The following RFTN1 variants were observed in gnomAD, a reference collection of about 807,000 sequenced individuals.
The protein encoded by RFTN1 is raftlin.
In RFTN1, 26 loss-of-function variants were observed where a neutral mutation model predicts 46.5. The observed-to-expected ratio is 0.56, with a 90% CI of 0.41 to 0.78. The LOEUF (loss-of-function observed/expected upper bound fraction) is 0.78. RFTN1 is among the 30% of genes least tolerant of loss of function. The probability of loss-of-function intolerance (pLI) is 0.00; values close to 1 mark genes in which losing one functional copy is unlikely to be tolerated. For synonymous variants in RFTN1, 261 were observed against 284.2 expected (o/e 0.92, Z 0.82); for missense variants, 693 against 718.7 (o/e 0.96, Z 0.41).
In RFTN1 at chr3:16,338,301, C is replaced by G. The variant is rs138379639; in HGVS notation, c.1147-11425G>C. Among the ~76,000 whole-genome samples, 4 of 152,322 alleles carry G rather than the reference C, an allele frequency of 2.6e-5. No individual in the cohort carries two copies. Among genetic ancestry groups the G allele is most frequent in the African/African-American group, 4.8e-5 (2 of 41,578 alleles). The stretch of plus-strand genomic sequence containing the variant: ...GCAAGGCATGCAACCACGCAAGGCT[C>G]CTGATCACAGGGAAGGTAATGAGGC... On this transcript the variant is annotated intron_variant, in intron 7 of 9. Transcript: ENST00000334133. This position sits in a 1 kb window ranked among gnomAD's most constrained non-coding sequence, Gnocchi z 5.3.
At chr3:16,391,236 A>C (rs1559317353) in intron 4 of RFTN1, among the ~76,000 whole-genome samples, 1 of 152,218 alleles carries the variant, frequency 6.6e-6, no homozygotes, top group African/African-American at 2.4e-5. Context: ...GGAAGTAATT[A>C]ATTAGATGGG....
chr3:16,426,002 C>T lies in RFTN1; in HGVS notation c.332+7849G>A, dbSNP rs189000668. Among the ~76,000 whole-genome samples the T allele has an allele frequency of 1.3e-5, 2 of 152,290 alleles. No homozygotes were observed. Among genetic ancestry groups the T allele is most frequent in the Admixed American group, 1.3e-4 (2 of 15,304 alleles). On this transcript the variant is annotated intron_variant, in intron 3 of 9. Transcript: ENST00000334133. The surrounding 1 kb of genome is among the most constrained non-coding windows in gnomAD (Gnocchi z 5.9). ...CCACCTAAATCGGAATCCAAAATAA[C>T]GACCCACATGCTAAACAAACACCTT...
intron 2 of RFTN1, among the ~76,000 whole-genome samples, chr3:16,435,770 A>C (rs2075497935): frequency 6.6e-6 from 1 of 152,128 alleles, no homozygotes; most frequent in Admixed American, 6.6e-5. Flanking sequence ...CTTATAGTAC[A>C]TATACAAAAT....
At chr3:16,502,018 C>G (rs1003831263) in intron 1 of RFTN1, among the ~76,000 whole-genome samples, 14 of 152,112 alleles carry the variant, frequency 9.2e-5, no homozygotes, top group African/African-American at 3.4e-4. Flanking sequence ...TCATAAACCA[C>G]CTGTTAGCAG....
At chr3:16,324,870 TC>T (rs1232784110) in intron 8 of RFTN1, among the ~76,000 whole-genome samples, 2 of 152,050 alleles carry the variant, frequency 1.3e-5, no homozygotes, top group Non-Finnish European at 2.9e-5. Flanking sequence ...ATGTGCTAAG[TC>T]TATCTTTAGT....
At chr3:16,454,021 CA>C (rs1434168718) in intron 2 of RFTN1, among the ~76,000 whole-genome samples, 1 of 152,160 alleles carries the variant, frequency 6.6e-6, no homozygotes, top group Non-Finnish European at 1.5e-5. Context: ...AAGTCAAAGC[CA>C]GGGGTGAACA....
At chr3:16,467,053 C>T (rs548537832) in intron 2 of RFTN1, among the ~76,000 whole-genome samples, 14 of 151,894 alleles carry the variant, frequency 9.2e-5, no homozygotes, top group Middle Eastern at 3.2e-3. Context: ...TTACCAGCAG[C>T]GTTTAGTCTA....
In RFTN1 at chr3:16,425,870, C is replaced by T. The variant is rs898488745; in HGVS notation, c.332+7981G>A. On this transcript the variant is annotated intron_variant, in intron 3 of 9. Coordinates refer to ENST00000334133, the MANE Select transcript of RFTN1 (RefSeq NM_015150.2). This position sits in a 1 kb window ranked among gnomAD's most constrained non-coding sequence, Gnocchi z 4.3. ...CTCCTCAGGGGGTACGGTGGCAGCC[C>T]GGAGAGCTAATCAAATCCTCCACAC... Among the ~76,000 whole-genome samples the T allele has an allele frequency of 3.8e-4, 58 of 151,944 alleles. No individual in the cohort carries two copies. Among genetic ancestry groups the T allele is most frequent in the Admixed American group, 3.3e-4 (5 of 15,242 alleles).
intron 2 of RFTN1, among the ~76,000 whole-genome samples, chr3:16,492,499 G>T (rs1257812524): frequency 1.3e-5 from 2 of 152,228 alleles, no homozygotes; most frequent in African/African-American, 4.8e-5. Context: ...GGGAAGCTCA[G>T]TGATTTACCC....
Position 16,334,945 on chromosome 3 carries a change from C to G in RFTN1, c.1147-8069G>C, listed in dbSNP as rs1364079373. Among the ~76,000 whole-genome samples the G allele has an allele frequency of 6.6e-6, 1 of 152,152 alleles. No homozygotes were observed. The highest frequency in any genetic ancestry group is 1.5e-5 in the Non-Finnish European group (1 of 68,020). On this transcript the variant is annotated intron_variant, in intron 7 of 9. Transcript: ENST00000334133. The surrounding 1 kb of genome is among the most constrained non-coding windows in gnomAD (Gnocchi z 4.3). ...GGCAGCAGCAGAGGCTGGAGTGATG[C>G]AGGGAAGGGGCCACGAGCCAAGGAA... is the stretch of plus-strand genomic sequence containing the variant.
In RFTN1 at chr3:16,407,969, A is replaced by G. The variant is rs577216269; in HGVS notation, c.441+1406T>C. ...TCCCTGGAGCCTGAACACTCAATAC[A>G]TGTTGAAGGGAGGGTGGCAGCAAGG... On this transcript the variant is annotated intron_variant, in intron 4 of 9. Coordinates refer to ENST00000334133, the MANE Select transcript of RFTN1 (RefSeq NM_015150.2). The surrounding 1 kb of genome is among the most constrained non-coding windows in gnomAD (Gnocchi z 4.0). 1.2e-4 allele frequency among the ~76,000 whole-genome samples: 18 copies of G among 152,070 alleles called. No individual in the cohort carries two copies. Among genetic ancestry groups the G allele is most frequent in the Non-Finnish European group, 2.2e-4 (15 of 68,024 alleles).
intron 1 of RFTN1, among the ~76,000 whole-genome samples, chr3:16,501,926 T>C (rs912039247): frequency 8.5e-5 from 13 of 152,228 alleles, no homozygotes; most frequent in Non-Finnish European, 1.8e-4. Flanking sequence ...TATCAAACTG[T>C]ATTAACGGTT....
Position 16,384,902 on chromosome 3 carries a change from G to A in RFTN1, c.442-6800C>T, listed in dbSNP as rs2074115534. Among the ~76,000 whole-genome samples the A allele has an allele frequency of 6.6e-6, 1 of 152,144 alleles. No individual in the cohort carries two copies. Among genetic ancestry groups the A allele is most frequent in the Admixed American group, 6.5e-5 (1 of 15,276 alleles). On this transcript the variant is annotated intron_variant, in intron 4 of 9. Coordinates refer to ENST00000334133, the MANE Select transcript of RFTN1 (RefSeq NM_015150.2). This position sits in a 1 kb window ranked among gnomAD's most constrained non-coding sequence, Gnocchi z 4.7. Reference sequence around the variant, plus strand: ...CCATCATCATAGAACGTTCTATTGGGTAGCTCTGCTATAGAGCATAATAAA... The same window carrying A: ...CCATCATCATAGAACGTTCTATTGGATAGCTCTGCTATAGAGCATAATAAA...
rs982645604 is a variant in RFTN1, at chr3:16,384,399, T to C, written c.442-6297A>G. On this transcript the variant is annotated intron_variant, in intron 4 of 9. Transcript: ENST00000334133. This position sits in a 1 kb window ranked among gnomAD's most constrained non-coding sequence, Gnocchi z 4.7. Reference sequence around the variant, plus strand: ...CATGAAATAAAAGTTCGGTACAGGCTCCCAAATGACAGTGAGCCCCAAACA... The same window carrying C: ...CATGAAATAAAAGTTCGGTACAGGCCCCCAAATGACAGTGAGCCCCAAACA... Among the ~76,000 whole-genome samples, 20 of 152,176 alleles carry C rather than the reference T, an allele frequency of 1.3e-4. No individual in the cohort carries two copies. Among genetic ancestry groups the C allele is most frequent in the Non-Finnish European group, 2.2e-4 (15 of 68,022 alleles).
rs2076144273 is a variant in RFTN1, at chr3:16,468,718, T to C, written c.145+25007A>G. Among the ~76,000 whole-genome samples, 1 of 151,280 alleles carries C rather than the reference T, an allele frequency of 6.6e-6. No homozygotes were observed. The highest frequency in any genetic ancestry group is 2.1e-4 in the South Asian group (1 of 4,798). On this transcript the variant is annotated intron_variant, in intron 2 of 9. Coordinates refer to ENST00000334133, the MANE Select transcript of RFTN1 (RefSeq NM_015150.2). The surrounding 1 kb of genome is among the most constrained non-coding windows in gnomAD (Gnocchi z 4.4). ...TTAAAAATGGTAAGGAAATTGCAAC[T>C]AGCTGTAGCCAATTCAAGCTGAGCC... is the stretch of plus-strand genomic sequence containing the variant.
rs921530621 is a variant in RFTN1, at chr3:16,329,223, G to A, written c.1147-2347C>T. ...GGCCCTCACAAGATGCCAGGCCCTC[G>A]ACCTTGGACTTCCCAGCCTCCAGGA... On this transcript the variant is annotated intron_variant, in intron 7 of 9. Transcript: ENST00000334133. This position sits in a 1 kb window ranked among gnomAD's most constrained non-coding sequence, Gnocchi z 4.5. 6.6e-6 allele frequency among the ~76,000 whole-genome samples: 1 copy of A among 152,180 alleles called. No individual in the cohort carries two copies. Among genetic ancestry groups the A allele is most frequent in the Non-Finnish European group, 1.5e-5 (1 of 68,030 alleles).
chr3:16,485,653 C>T (rs189164379), intron 2 of RFTN1, among the ~76,000 whole-genome samples: 89 of 152,368 alleles, frequency 5.8e-4, no homozygotes, highest in African/African-American at 1.9e-3. Context: ...CCTGAGGGAA[C>T]TTTCTGGGGT....
rs948886222 is a variant in RFTN1, at chr3:16,413,822, G to A, written c.333-4339C>T. Reference sequence around the variant, plus strand: ...ATTCCAATAGATTTATTAGTTAGAGGCTACCGGTGTTAGAGCTAACTAGAG... The same window carrying A: ...ATTCCAATAGATTTATTAGTTAGAGACTACCGGTGTTAGAGCTAACTAGAG... On this transcript the variant is annotated intron_variant, in intron 3 of 9. Transcript: ENST00000334133. This position sits in a 1 kb window ranked among gnomAD's most constrained non-coding sequence, Gnocchi z 4.7. 6.6e-6 allele frequency among the ~76,000 whole-genome samples: 1 copy of A among 152,156 alleles called. No individual in the cohort carries two copies. Among genetic ancestry groups the A allele is most frequent in the Non-Finnish European group, 1.5e-5 (1 of 68,036 alleles).
rs963716164 is a variant in RFTN1 at position 16,384,344 on chromosome 3, T to C, written c.442-6242A>G. Among the ~76,000 whole-genome samples, 2 of 152,220 alleles carry C rather than the reference T, an allele frequency of 1.3e-5. No homozygotes were observed. Among genetic ancestry groups the C allele is most frequent in the Non-Finnish European group, 2.9e-5 (2 of 68,036 alleles). ...AATAAGATAGCACAGGGCAAGTTGATGGAGGTCTCTAAATCTAAACCTGAC... is the reference window on the plus strand; with the variant it reads ...AATAAGATAGCACAGGGCAAGTTGACGGAGGTCTCTAAATCTAAACCTGAC... On this transcript the variant is annotated intron_variant, in intron 4 of 9. Transcript: ENST00000334133. The surrounding 1 kb of genome is among the most constrained non-coding windows in gnomAD (Gnocchi z 4.7).
Sources: gnomAD v4.1 joint callset for allele counts (sites outside exome capture counted in the v4.1 genomes callset) on GRCh38, gnomAD v4.1.1 for gene constraint, Gnocchi (gnomAD v3.1) non-coding constraint, MANE v1.5 for transcripts, NCBI Gene and HGNC (gene_info 2026-07-23, HGNC 2026-07-21) for gene names.